The following TMTC2 variants were observed in gnomAD, a reference collection of about 807,000 sequenced individuals.
TMTC2 encodes transmembrane O-mannosyltransferase targeting cadherins 2, also known as protein O-mannosyl-transferase TMTC2.
Under a neutral mutation model 82.4 loss-of-function variants are expected in TMTC2, and 43 were observed. That is an observed-to-expected ratio of 0.52 (90% CI 0.41 to 0.67). TMTC2 has a LOEUF of 0.67. Ranked by LOEUF, TMTC2 falls within the 30% of genes least tolerant of loss-of-function variation. The pLI is 0.00. For synonymous variants in TMTC2, 408 were observed against 381.9 expected (o/e 1.07, Z -0.80); for missense variants, 919 against 1,012.4 (o/e 0.91, Z 1.25).
At chr12:82,760,072 T>G (rs562872956) in intron 1 of TMTC2, 3 of 152,340 alleles carry the variant, frequency 2.0e-5, no homozygotes, top group East Asian at 3.9e-4. Flanking sequence ...TTCTTTGTTA[T>G]TCAAGTTATA....
At chr12:82,747,378 G>A (rs1875745565) in intron 1 of TMTC2, among the ~76,000 whole-genome samples, 1 of 152,192 alleles carries the variant, frequency 6.6e-6, no homozygotes, top group African/African-American at 2.4e-5. Flanking sequence ...TAGTGGCAGA[G>A]CTGGGATAGA....
At chr12:82,874,901 T>C (rs1158857482) in intron 2 of TMTC2, among the ~76,000 whole-genome samples, 1 of 152,088 alleles carries the variant, frequency 6.6e-6, no homozygotes, top group East Asian at 1.9e-4. Context: ...TGACAAATAA[T>C]TTGAAATTAA....
chr12:83,028,205 C>A (rs1341467001), intron 8 of TMTC2, among the ~76,000 whole-genome samples: 3 of 151,962 alleles, frequency 2.0e-5, no homozygotes, highest in Non-Finnish European at 2.9e-5. Context: ...TGTGTATATA[C>A]ATATAAAGTA....
intron 1 of TMTC2, among the ~76,000 whole-genome samples, chr12:82,783,388 TCTTG>T (rs769319855): frequency 1.3e-5 from 2 of 151,786 alleles, no homozygotes; most frequent in Non-Finnish European, 2.9e-5. Context: ...CTCCCTTGCC[TCTTG>T]TCTCCTTCTC....
intron 1 of TMTC2, among the ~76,000 whole-genome samples, chr12:82,832,639 C>T (rs1172460582): frequency 6.6e-6 from 1 of 152,096 alleles, no homozygotes; most frequent in African/African-American, 2.4e-5. Context: ...ATTTATAAGG[C>T]TTAGCCAAAA....
intron 1 of TMTC2, among the ~76,000 whole-genome samples, chr12:82,713,445 CAAAAGAAAG>C (rs762493080): frequency 3.9e-5 from 6 of 152,194 alleles, no homozygotes; most frequent in Non-Finnish European, 8.8e-5. Flanking sequence ...GGGCAATTTA[CAAAAGAAAG>C]AGTTTTAATG....
At chr12:82,711,079 CAA>C (rs1053766372) in intron 1 of TMTC2, among the ~76,000 whole-genome samples, 2 of 152,108 alleles carry the variant, frequency 1.3e-5, no homozygotes, top group African/African-American at 4.8e-5. Context: ...TCTGGTAAGA[CAA>C]ATGGATATTT....
At chr12:82,839,372 T>A (rs777313575) in intron 1 of TMTC2, among the ~76,000 whole-genome samples, 1 of 152,200 alleles carries the variant, frequency 6.6e-6, no homozygotes, top group Non-Finnish European at 1.5e-5. Context: ...ACATTCCCTT[T>A]TTTCCACAGG....
At chr12:82,997,213 C>T (rs1452502381) in intron 8 of TMTC2, among the ~76,000 whole-genome samples, 2 of 132,060 alleles carry the variant, frequency 1.5e-5, no homozygotes, top group Non-Finnish European at 3.2e-5. Context: ...CTCCCTCTCT[C>T]TCTCTCTCTA....
intron 1 of TMTC2, among the ~76,000 whole-genome samples, chr12:82,698,680 A>C (rs773999147): frequency 1.3e-5 from 2 of 152,220 alleles, no homozygotes; most frequent in Non-Finnish European, 2.9e-5. Flanking sequence ...TTATAATATA[A>C]AGTAGGCACA....
chr12:82,877,986 A>G (rs1214541412), intron 2 of TMTC2, among the ~76,000 whole-genome samples: 1 of 152,226 alleles, frequency 6.6e-6, no homozygotes, highest in East Asian at 1.9e-4. Flanking sequence ...GTTTTGTATA[A>G]GTACACAGAC....
chr12:83,054,853 C>T (rs11115563), intron 10 of TMTC2, among the ~76,000 whole-genome samples: 46,176 of 151,738 alleles, frequency 0.3, 7,146 homozygotes, highest in East Asian at 0.46. Context: ...AAGGCAAAAT[C>T]AATGAAAATG....
chr12:82,965,515 T>C (rs748728547), intron 5 of TMTC2, 45 bp from the exon 6 acceptor site: 2 of 1,597,522 alleles, frequency 1.3e-6, no homozygotes, highest in Admixed American at 3.4e-5. Flanking sequence ...TTTATTCAAG[T>C]GTATATCATC....
At chr12:82,934,976 G>A (rs902340145) in intron 4 of TMTC2, among the ~76,000 whole-genome samples, 1 of 151,480 alleles carries the variant, frequency 6.6e-6, no homozygotes. Context: ...CCAAAGTTTT[G>A]GGAAAAAAGC....
At chr12:82,899,929 G>A (rs1049444652) in intron 3 of TMTC2, among the ~76,000 whole-genome samples, 42 of 134,672 alleles carry the variant, frequency 3.1e-4, no homozygotes, top group African/African-American at 1.1e-3. Context: ...ATATAGATAT[G>A]TAGGAATGTA....
chr12:83,010,075 G>T (rs780975911), intron 8 of TMTC2, among the ~76,000 whole-genome samples: 2 of 152,118 alleles, frequency 1.3e-5, no homozygotes, highest in Non-Finnish European at 2.9e-5. Flanking sequence ...GTGCAGCCTG[G>T]TTCCAAACAG....
At chr12:82,894,988 T>A (rs1378753205) in intron 2 of TMTC2, among the ~76,000 whole-genome samples, 2 of 138,264 alleles carry the variant, frequency 1.4e-5, no homozygotes, top group Non-Finnish European at 3.1e-5. Flanking sequence ...TTTTTTTTTT[T>A]AGTAGAGATG....
intron 1 of TMTC2, among the ~76,000 whole-genome samples, chr12:82,761,757 A>G (rs576629963): frequency 5.9e-5 from 9 of 152,266 alleles, no homozygotes; most frequent in African/African-American, 1.9e-4. Flanking sequence ...CTGTCAGTGA[A>G]GGGTTTGCAG....
At chr12:83,008,665 G>GT (rs1371720761) in intron 8 of TMTC2, among the ~76,000 whole-genome samples, 5 of 152,106 alleles carry the variant, frequency 3.3e-5, no homozygotes, top group Admixed American at 6.5e-5. Flanking sequence ...TTTGGACTTT[G>GT]TTTTTCTAAT....
Sources: allele counts gnomAD v4.1 joint callset (sites outside exome capture counted in the v4.1 genomes callset), GRCh38; gene constraint gnomAD v4.1.1; transcripts MANE v1.5; gene names NCBI Gene and HGNC (gene_info 2026-07-23, HGNC 2026-07-21).